GRID2: variants seen among roughly 807,000 people sequenced by gnomAD.
GRID2 encodes glutamate ionotropic receptor delta type subunit 2.
Under a neutral mutation model 114.8 loss-of-function variants are expected in GRID2, and 33 were observed. That is an observed-to-expected ratio of 0.29 (90% CI 0.22 to 0.38). GRID2 has a LOEUF of 0.38. Ranked by LOEUF, GRID2 falls within the 10% of genes least tolerant of loss-of-function variation. The probability of loss-of-function intolerance (pLI) is 1.00; values close to 1 mark genes in which losing one functional copy is unlikely to be tolerated. For synonymous variants in GRID2, 505 were observed against 449.9 expected, an observed-to-expected ratio of 1.12 and a Z score of -1.55; for missense variants, 1,184 against 1,257.7, an observed-to-expected ratio of 0.94 and a Z score of 0.89.
intron 11 of GRID2, among the ~76,000 whole-genome samples, chr4:93,471,492 T>G (rs1275310407): frequency 2.0e-5 from 3 of 151,996 alleles, no homozygotes; most frequent in African/African-American, 7.3e-5. Flanking sequence ...CTTACAGAGA[T>G]CCTAACCGGA....
At position 93,125,319 on chromosome 4, in the gene GRID2, A is replaced by C. The variant is rs574293597; in HGVS notation, c.735+14366A>C. 3.9e-5 allele frequency among the ~76,000 whole-genome samples: 6 copies of C among 152,030 alleles called. No individual in the cohort carries two copies. In the East Asian group the frequency reaches 1.2e-3, roughly 29 times the overall value. ...AAAGAGTATATATATGAAAACATAC[A>C]TTTATACACAAATAAATGTAGAAGT... On this transcript the variant is annotated intron_variant, in intron 4 of 15. Coordinates refer to ENST00000282020, the MANE Select transcript of GRID2 (RefSeq NM_001510.4).
intron 2 of GRID2, among the ~76,000 whole-genome samples, chr4:92,668,476 A>G (rs941003234): frequency 6.6e-6 from 1 of 151,738 alleles, no homozygotes; most frequent in Non-Finnish European, 1.5e-5. Flanking sequence ...CTGAGAAGTA[A>G]TATATATTGA....
At chr4:93,613,159 C>G (rs1741155146) in intron 13 of GRID2, among the ~76,000 whole-genome samples, 1 of 149,478 alleles carries the variant, frequency 6.7e-6, no homozygotes, top group Non-Finnish European at 1.5e-5. Flanking sequence ...GTTTTCAGGT[C>G]CATCAGCTCC....
chr4:93,273,462 C>A (rs1011739427), intron 8 of GRID2, among the ~76,000 whole-genome samples: 2 of 70,876 alleles, frequency 2.8e-5, no homozygotes, highest in Non-Finnish European at 5.0e-5. Flanking sequence ...GAATAATATC[C>A]CCCCCCCCAA....
At chr4:92,816,113 C>G (rs1470335882) in intron 2 of GRID2, among the ~76,000 whole-genome samples, 5 of 151,024 alleles carry the variant, frequency 3.3e-5, no homozygotes, top group Non-Finnish European at 1.5e-5. Flanking sequence ...GTCCGGAGTT[C>G]GAGATCAGCC....
chr4:93,569,202 C>T (rs992612727), intron 13 of GRID2, among the ~76,000 whole-genome samples: 1 of 152,170 alleles, frequency 6.6e-6, no homozygotes, highest in African/African-American at 2.4e-5. Flanking sequence ...CTGGACTATG[C>T]CTAAAATCAT....
chr4:92,465,597 G>A (rs1015736349), intron 1 of GRID2, among the ~76,000 whole-genome samples: 3 of 152,054 alleles, frequency 2.0e-5, no homozygotes, highest in Non-Finnish European at 4.4e-5. Context: ...CATTGAAGAA[G>A]AGGTTACATT....
intron 1 of GRID2, among the ~76,000 whole-genome samples, chr4:92,489,502 G>C (rs1473697304): frequency 6.6e-6 from 1 of 151,654 alleles, no homozygotes; most frequent in Admixed American, 6.6e-5. Flanking sequence ...AAGTTTAATT[G>C]TCTTTGATTG....
intron 13 of GRID2, among the ~76,000 whole-genome samples, chr4:93,578,436 GA>G (rs1019359580): frequency 2.0e-5 from 3 of 151,814 alleles, no homozygotes; most frequent in African/African-American, 7.3e-5. Flanking sequence ...ACTGTTTTTT[GA>G]AAAGAATACA....
At chr4:93,572,492 C>T (rs1015407830) in intron 13 of GRID2, among the ~76,000 whole-genome samples, 1 of 151,696 alleles carries the variant, frequency 6.6e-6, no homozygotes, top group African/African-American at 2.4e-5. Flanking sequence ...ATAATTTTGT[C>T]CTCTCTTCTC....
intron 1 of GRID2, among the ~76,000 whole-genome samples, chr4:92,453,594 G>T (rs1721061159): frequency 6.6e-6 from 1 of 152,062 alleles, no homozygotes; most frequent in African/African-American, 2.4e-5. Flanking sequence ...TAAAGACATG[G>T]ATTTCTTTCA....
intron 7 of GRID2, among the ~76,000 whole-genome samples, chr4:93,230,253 A>T (rs1195290234): frequency 1.3e-5 from 2 of 152,034 alleles, no homozygotes; most frequent in African/African-American, 2.4e-5. Flanking sequence ...GATGTTTCAT[A>T]TATTTTTTGA....
chr4:92,586,750 A>T (rs1728470378), intron 1 of GRID2, among the ~76,000 whole-genome samples: 2 of 151,982 alleles, frequency 1.3e-5, no homozygotes, highest in African/African-American at 4.8e-5. Flanking sequence ...ATATATGCTA[A>T]TTGGTCCATT....
At position 92,843,957 on chromosome 4, in the gene GRID2, C is replaced by A. The variant is rs117676498; in HGVS notation, c.245-241038C>A. 1.1e-3 allele frequency among the ~76,000 whole-genome samples: 166 copies of A among 152,136 alleles called. 3 individuals carry two copies. The highest frequency in any genetic ancestry group is 7.2e-3 in the East Asian group (37 of 5,162). On this transcript the variant is annotated intron_variant, in intron 2 of 15. Transcript: ENST00000282020. ...TCGTCATTTGGAAAATGCTGGTTCA[C>A]TGAATATTGCAGATCTTGAAAATGC... is the stretch of plus-strand genomic sequence containing the variant.
rs548653933 is a variant in GRID2, at chr4:92,936,167, A to G, written c.245-148828A>G. Among the ~76,000 whole-genome samples the G allele has an allele frequency of 3.3e-4, 48 of 146,996 alleles. 4 individuals carry two copies. Among genetic ancestry groups the G allele is most frequent in the East Asian group, 1.1e-3 (5 of 4,638 alleles). On this transcript the variant is annotated intron_variant, in intron 2 of 15. Coordinates refer to ENST00000282020, the MANE Select transcript of GRID2 (RefSeq NM_001510.4). Reference sequence around the variant, plus strand: ...TTGTTATCTCTTTAATTTTCTTTCAATTGTTACATTTATATTGTGATCTTC... The same window carrying G: ...TTGTTATCTCTTTAATTTTCTTTCAGTTGTTACATTTATATTGTGATCTTC...
At chr4:93,560,152 A>T (rs756849268) in intron 13 of GRID2, among the ~76,000 whole-genome samples, 3 of 147,950 alleles carry the variant, frequency 2.0e-5, no homozygotes, top group Non-Finnish European at 4.5e-5. Flanking sequence ...GGGTGCAGCA[A>T]ACCGCCATGG....
chr4:92,581,310 C>T (rs1728175945), intron 1 of GRID2, among the ~76,000 whole-genome samples: 12 of 150,966 alleles, frequency 7.9e-5, no homozygotes, highest in Admixed American at 7.3e-4. Context: ...GTATAAAATG[C>T]ATAAACTATT....
At chr4:92,531,360 A>G (rs190017039) in intron 1 of GRID2, among the ~76,000 whole-genome samples, 92 of 152,298 alleles carry the variant, frequency 6.0e-4, no homozygotes, top group Non-Finnish European at 1.2e-3. Flanking sequence ...GTCTAGATTA[A>G]TTACAAATGA....
At chr4:92,932,123 T>C (rs1416426201) in intron 2 of GRID2, among the ~76,000 whole-genome samples, 1 of 151,086 alleles carries the variant, frequency 6.6e-6, no homozygotes, top group South Asian at 2.1e-4. Context: ...AGCATATGAA[T>C]AGATAAGAAA....
Sources: allele counts gnomAD v4.1 joint callset (sites outside exome capture counted in the v4.1 genomes callset), GRCh38; gene constraint gnomAD v4.1.1; transcripts MANE v1.5; gene names NCBI Gene and HGNC (gene_info 2026-07-23, HGNC 2026-07-21).